Variants in MGAT5 observed in about 807,000 individuals in gnomAD.
MGAT5 encodes alpha-1,6-mannosylglycoprotein 6-beta-N-acetylglucosaminyltransferase.
In MGAT5, 30 loss-of-function variants were observed where a neutral mutation model predicts 94.3. That is an observed-to-expected ratio of 0.32 (90% CI 0.24 to 0.43). The LOEUF is 0.43. Ranked by LOEUF, MGAT5 falls within the 20% of genes least tolerant of loss-of-function variation. MGAT5 has a pLI of 1.00. For synonymous variants in MGAT5, 310 were observed against 322.9 expected (o/e 0.96, Z 0.43); for missense variants, 691 against 905.5 (o/e 0.76, Z 3.04).
At chr2:134,297,464 C>A (rs1461345226) in intron 2 of MGAT5, among the ~76,000 whole-genome samples, 1 of 152,090 alleles carries the variant, frequency 6.6e-6, no homozygotes, top group Non-Finnish European at 1.5e-5. Flanking sequence ...AGACCATGAA[C>A]TCCTATAAAC....
chr2:134,198,196 A>G (rs191319318), intron 1 of MGAT5, among the ~76,000 whole-genome samples: 1 of 152,336 alleles, frequency 6.6e-6, no homozygotes, highest in East Asian at 1.9e-4. Context: ...AACTGATTTT[A>G]TAAGCTGTGT....
chr2:134,431,996 CTT>C (rs1313843994), intron 14 of MGAT5, among the ~76,000 whole-genome samples: 6 of 152,204 alleles, frequency 3.9e-5, no homozygotes, highest in African/African-American at 1.4e-4. Flanking sequence ...AGTGCATGCT[CTT>C]TTAAATGAGC....
intron 2 of MGAT5, among the ~76,000 whole-genome samples, chr2:134,284,607 T>G (rs1317902702): frequency 6.6e-6 from 1 of 151,884 alleles, no homozygotes; most frequent in Non-Finnish European, 1.5e-5. Flanking sequence ...AGCCACTGTT[T>G]ATGGAGAGAT....
At chr2:134,257,004 T>C (rs565183052) in intron 1 of MGAT5, among the ~76,000 whole-genome samples, 3 of 152,318 alleles carry the variant, frequency 2.0e-5, no homozygotes, top group African/African-American at 7.2e-5. Flanking sequence ...TGTTGACTTT[T>C]GGTCTAAATA....
intron 10 of MGAT5, among the ~76,000 whole-genome samples, chr2:134,385,297 A>G (rs1462922700): frequency 4.6e-5 from 7 of 152,206 alleles, no homozygotes; most frequent in African/African-American, 1.7e-4. Context: ...CTATCTCTCC[A>G]AGTACTGCTA....
intron 1 of MGAT5, among the ~76,000 whole-genome samples, chr2:134,176,762 G>T (rs1227099737): frequency 1.3e-5 from 2 of 152,122 alleles, no homozygotes; most frequent in Admixed American, 6.5e-5. Context: ...ATTGATCATA[G>T]AGCAGAAACA....
At chr2:134,200,102 T>C (rs1330689828) in intron 1 of MGAT5, among the ~76,000 whole-genome samples, 3 of 152,186 alleles carry the variant, frequency 2.0e-5, no homozygotes, top group Non-Finnish European at 4.4e-5. Context: ...TATTTGGCAA[T>C]GAGGACTATT....
chr2:134,405,088 A>C (rs1472760775), intron 11 of MGAT5, among the ~76,000 whole-genome samples: 1 of 152,208 alleles, frequency 6.6e-6, no homozygotes, highest in Non-Finnish European at 1.5e-5. Flanking sequence ...CAGCTTCGCA[A>C]ATTTTGAAAG....
At chr2:134,363,132 T>G (rs1415908362) in intron 10 of MGAT5, among the ~76,000 whole-genome samples, 1 of 152,216 alleles carries the variant, frequency 6.6e-6, no homozygotes, top group African/African-American at 2.4e-5. Context: ...ATAATTTTTT[T>G]TTGAGGAAAT....
At chr2:134,362,147 A>G (rs1236930309) in intron 9 of MGAT5, 128 bp from the exon 10 acceptor site, 1 of 1,113,130 alleles carries the variant, frequency 9.0e-7, no homozygotes, top group African/African-American at 1.6e-5. Context: ...TCCCTCAGGT[A>G]AGAAAGAACA....
chr2:134,332,359 T>C (rs1573831357), intron 4 of MGAT5, among the ~76,000 whole-genome samples: 1 of 150,796 alleles, frequency 6.6e-6, no homozygotes, highest in South Asian at 2.1e-4. Context: ...ATTTAATAAA[T>C]GGTGCTGGGA....
chr2:134,274,800 C>G (rs1684253159), intron 2 of MGAT5, among the ~76,000 whole-genome samples: 1 of 152,128 alleles, frequency 6.6e-6, no homozygotes, highest in Non-Finnish European at 1.5e-5. Flanking sequence ...GTATTTAATC[C>G]AAGTTGAACT....
chr2:134,252,673 C>T (rs1682689710), upstream of MGAT5, among the ~76,000 whole-genome samples: 1 of 150,412 alleles, frequency 6.6e-6, no homozygotes, highest in African/African-American at 2.5e-5. Flanking sequence ...GAGAGGTTGG[C>T]AAACCTTCTC....
At chr2:134,434,646 C>T (rs780683547) in intron 14 of MGAT5, among the ~76,000 whole-genome samples, 4 of 152,052 alleles carry the variant, frequency 2.6e-5, no homozygotes, top group East Asian at 1.9e-4. Flanking sequence ...ATCTGCAAAG[C>T]GCCATGTTAG....
intron 12 of MGAT5, 85 bp from the exon 13 acceptor site, chr2:134,422,718 A>G: frequency 1.1e-6 from 1 of 951,744 alleles, no homozygotes; most frequent in Non-Finnish European, 1.7e-6. Context: ...ATTATAACTC[A>G]GTACCATAAA....
At chr2:134,338,965 C>T (rs1688484387) in intron 6 of MGAT5, among the ~76,000 whole-genome samples, 1 of 152,070 alleles carries the variant, frequency 6.6e-6, no homozygotes, top group Non-Finnish European at 1.5e-5. Context: ...ACTTTATGCC[C>T]TGTTAGCTAT....
intron 1 of MGAT5, among the ~76,000 whole-genome samples, chr2:134,239,425 T>C (rs949033963): frequency 1.3e-5 from 2 of 152,236 alleles, no homozygotes; most frequent in African/African-American, 2.4e-5. Context: ...ACTACTAGAA[T>C]AGAACCAAAG....
chr2:134,278,976 T>A (rs924174888), intron 2 of MGAT5, among the ~76,000 whole-genome samples: 4 of 152,208 alleles, frequency 2.6e-5, no homozygotes, highest in African/African-American at 9.7e-5. Flanking sequence ...ACTTTTCCAC[T>A]CTTTGCTTGT....
intron 10 of MGAT5, among the ~76,000 whole-genome samples, chr2:134,377,359 C>T (rs1006865324): frequency 2.6e-5 from 4 of 152,170 alleles, no homozygotes; most frequent in Non-Finnish European, 4.4e-5. Context: ...GGGCTGGAGC[C>T]TTTTCTCAAG....
Sources: allele counts gnomAD v4.1 joint callset (sites outside exome capture counted in the v4.1 genomes callset), GRCh38; gene constraint gnomAD v4.1.1; transcripts MANE v1.5; gene names NCBI Gene and HGNC (gene_info 2026-07-23, HGNC 2026-07-21).